FRMD3: variants seen among roughly 807,000 people sequenced by gnomAD.
FRMD3 encodes FERM domain containing 3.
In FRMD3, 33 loss-of-function variants were observed where a neutral mutation model predicts 70.2. The observed-to-expected ratio is 0.47, with a 90% confidence interval of 0.36 to 0.63. FRMD3 has a LOEUF of 0.63. Ranked by LOEUF, FRMD3 falls within the 20% of genes least tolerant of loss-of-function variation. The pLI, the probability that FRMD3 is intolerant of heterozygous loss-of-function variation, is 0.00. For missense variants in FRMD3, 632 were observed against 711.4 expected, an observed-to-expected ratio of 0.89 and a Z score of 1.27; for synonymous variants, 279 against 255.9, an observed-to-expected ratio of 1.09 and a Z score of -0.86.
the FRMD3 span, among the ~76,000 whole-genome samples, chr9:83,559,571 C>A: frequency 6.6e-6 from 1 of 152,150 alleles, no homozygotes; most frequent in Non-Finnish European, 1.5e-5. Flanking sequence ...GTTAAGTTGA[C>A]CCATATGTAA....
At chr9:83,572,788 A>T in the FRMD3 span, among the ~76,000 whole-genome samples, 3 of 152,218 alleles carry the variant, frequency 2.0e-5, no homozygotes. Flanking sequence ...AAGGCAATGA[A>T]GCAAGAGAAA....
rs147682995 is a variant in FRMD3 at position 83,261,556 on chromosome 9, C to T, written c.1196-13040G>A. Among the ~76,000 whole-genome samples, 26 of 152,282 alleles carry T rather than the reference C, an allele frequency of 1.7e-4. No homozygotes were observed. In the East Asian group the frequency reaches 5.0e-3, roughly 29 times the overall value. On this transcript the variant is annotated intron_variant, in intron 13 of 13. Coordinates refer to ENST00000304195, the MANE Select transcript of FRMD3 (RefSeq NM_174938.6). ...GCTACCTCTGTCTTCACAGTCTCTT[C>T]ACTACTTGTGAGGGCCTAAACTCTC... is the stretch of plus-strand genomic sequence containing the variant.
chr9:83,443,307 C>T (rs1419399666), intron 1 of FRMD3, among the ~76,000 whole-genome samples: 1 of 152,168 alleles, frequency 6.6e-6, no homozygotes, highest in African/African-American at 2.4e-5. Flanking sequence ...CACTCCACAA[C>T]AGGCCCCAGT....
intron 1 of FRMD3, among the ~76,000 whole-genome samples, chr9:83,465,037 A>G (rs941708948): frequency 1.0e-3 from 51 of 49,916 alleles, no homozygotes; most frequent in African/African-American, 3.0e-3. Context: ...AAAAAAAAAA[A>G]AAGAAGAAGA....
chr9:83,575,420 A>T, the FRMD3 span, among the ~76,000 whole-genome samples: 6 of 152,106 alleles, frequency 3.9e-5, no homozygotes, highest in African/African-American at 1.4e-4. Flanking sequence ...CTTCTGAGTT[A>T]ATGGGTTACT....
intron 4 of FRMD3, among the ~76,000 whole-genome samples, chr9:83,344,472 G>A (rs1323274243): frequency 6.6e-6 from 1 of 152,174 alleles, no homozygotes; most frequent in African/African-American, 2.4e-5. Flanking sequence ...TTGGTGGACT[G>A]AGTAAAGCAG....
the FRMD3 span, among the ~76,000 whole-genome samples, chr9:83,577,434 C>T: frequency 1.4e-4 from 22 of 152,108 alleles, no homozygotes; most frequent in South Asian, 1.2e-3. Context: ...TTCAACAGAA[C>T]GTCAAGACAA....
At chr9:83,267,759 T>G (rs1833337840) in intron 13 of FRMD3, among the ~76,000 whole-genome samples, 1 of 152,228 alleles carries the variant, frequency 6.6e-6, no homozygotes, top group South Asian at 2.1e-4. Flanking sequence ...ATAAAGAGTT[T>G]GCATTCTTTT....
chr9:83,495,655 C>T (rs962233987), intron 1 of FRMD3, among the ~76,000 whole-genome samples: 10 of 152,212 alleles, frequency 6.6e-5, no homozygotes, highest in African/African-American at 2.4e-4. Flanking sequence ...CCTGTCTGGA[C>T]ATAGTACCTG....
intron 4 of FRMD3, among the ~76,000 whole-genome samples, chr9:83,348,711 C>A (rs1824044006): frequency 6.6e-6 from 1 of 152,236 alleles, no homozygotes; most frequent in African/African-American, 2.4e-5. Context: ...ATCTATTACC[C>A]TCATTTCCAC....
chr9:83,302,980 A>G (rs752273017), intron 10 of FRMD3, among the ~76,000 whole-genome samples: 1 of 152,180 alleles, frequency 6.6e-6, no homozygotes, highest in Non-Finnish European at 1.5e-5. Context: ...GACCTCACAA[A>G]GAAATCCAGA....
At chr9:83,522,913 A>G (rs1829607673) in intron 1 of FRMD3, among the ~76,000 whole-genome samples, 1 of 152,164 alleles carries the variant, frequency 6.6e-6, no homozygotes, top group Non-Finnish European at 1.5e-5. Context: ...TAGAGGTTAA[A>G]GAAAGGTTAT....
chr9:83,306,805 T>C (rs17401814), intron 10 of FRMD3, among the ~76,000 whole-genome samples: 7,876 of 152,224 alleles, frequency 0.052, 310 homozygotes, highest in Non-Finnish European at 0.079. Context: ...TACAATCCAA[T>C]AGAAGTCTTG....
At chr9:83,376,708 T>G (rs1453667556) in intron 2 of FRMD3, among the ~76,000 whole-genome samples, 2 of 151,816 alleles carry the variant, frequency 1.3e-5, no homozygotes, top group Non-Finnish European at 2.9e-5. Flanking sequence ...CCCAAAGTGC[T>G]AGGATTACAG....
intron 1 of FRMD3, among the ~76,000 whole-genome samples, chr9:83,461,899 C>T (rs1827986990): frequency 6.6e-6 from 1 of 151,964 alleles, no homozygotes; most frequent in Admixed American, 6.6e-5. Context: ...GTTGGACAGT[C>T]TGGTCTCAAA....
intron 13 of FRMD3, among the ~76,000 whole-genome samples, chr9:83,251,213 T>C (rs1832407025): frequency 6.6e-6 from 1 of 152,134 alleles, no homozygotes; most frequent in South Asian, 2.1e-4. Context: ...CCTACAGGGA[T>C]AGAAGAAACT....
intron 6 of FRMD3, among the ~76,000 whole-genome samples, chr9:83,327,543 T>C (rs1836068690): frequency 6.6e-6 from 1 of 152,192 alleles, no homozygotes; most frequent in African/African-American, 2.4e-5. Flanking sequence ...AGCAAGGGCT[T>C]CCCCACCCAG....
chr9:83,257,448 C>T (rs1013648432), intron 13 of FRMD3, among the ~76,000 whole-genome samples: 10 of 152,094 alleles, frequency 6.6e-5, no homozygotes, highest in African/African-American at 2.4e-4. Context: ...GTGTAGCAAA[C>T]CACCATGGCA....
chr9:83,484,259 A>G (rs1828634973), intron 1 of FRMD3, among the ~76,000 whole-genome samples: 1 of 152,214 alleles, frequency 6.6e-6, no homozygotes, highest in Non-Finnish European at 1.5e-5. Context: ...ATGTTTCTAA[A>G]TAATATTCCT....
Sources: allele counts gnomAD v4.1 joint callset (sites outside exome capture counted in the v4.1 genomes callset), GRCh38; gene constraint gnomAD v4.1.1; transcripts MANE v1.5; gene names NCBI Gene and HGNC (gene_info 2026-07-23, HGNC 2026-07-21).